The following SWAP70 variants were observed in gnomAD, a reference collection of about 807,000 sequenced individuals.
SWAP70 encodes the protein switch-associated protein 70.
A neutral mutation model predicts 80.2 loss-of-function variants in SWAP70; 34 were observed. The ratio of observed to expected loss-of-function variants is 0.42; its 90% CI spans 0.32 to 0.56. The LOEUF is 0.56. Ranked by LOEUF, SWAP70 falls within the 20% of genes least tolerant of loss-of-function variation. SWAP70 has a pLI of 0.09. For synonymous variants in SWAP70, 239 were observed against 238.5 expected, an observed-to-expected ratio of 1.00 and a Z score of -0.02; for missense variants, 578 against 690.7, an observed-to-expected ratio of 0.84 and a Z score of 1.83.
chr11:9,666,117 G>T (rs1270717369), intron 1 of SWAP70, among the ~76,000 whole-genome samples: 5 of 135,300 alleles, frequency 3.7e-5, no homozygotes, highest in Admixed American at 7.9e-5. Context: ...ACACAGTCTT[G>T]CCCTGTTGCC....
At chr11:9,672,201 A>ATATATATATG (rs1163653240) in intron 1 of SWAP70, among the ~76,000 whole-genome samples, 4 of 123,136 alleles carry the variant, frequency 3.2e-5, no homozygotes, top group Admixed American at 9.2e-5. Context: ...GTGTCTATAT[A>ATATATATATG]TATATATATA....
At chr11:9,722,689 A>G (rs1282476424) in intron 3 of SWAP70, among the ~76,000 whole-genome samples, 1 of 152,230 alleles carries the variant, frequency 6.6e-6, no homozygotes, top group African/African-American at 2.4e-5. Context: ...TATTCTAGAC[A>G]GAGAAGACAG....
chr11:9,749,940 GA>G lies in SWAP70; in HGVS notation c.1730del (p.Asn577ThrfsTer11). On this transcript the variant is annotated frameshift_variant, in exon 12 of 12. Coordinates refer to ENST00000318950, the MANE Select transcript of SWAP70 (RefSeq NM_015055.4). LOFTEE classifies it high-confidence loss of function. Reference sequence around the variant, plus strand: ...AGGCAGAACTTGAAGAGAGAGAGAAGAACTGGAAAGAGAAAAAGACCACGGA... The same window carrying G: ...AGGCAGAACTTGAAGAGAGAGAGAAGACTGGAAAGAGAAAAAGACCACGGA... The part of the protein sequence containing the change: ...TEAELEEREK[N>X]WKEKKTTE 1 of 1,613,758 alleles carries G rather than the reference GA, an allele frequency of 6.2e-7. No homozygotes were observed. Among genetic ancestry groups the G allele is most frequent in the Non-Finnish European group, 8.5e-7 (1 of 1,179,728 alleles).
At chr11:9,704,365 C>G in intron 2 of SWAP70, among the ~76,000 whole-genome samples, 1 of 137,058 alleles carries the variant, frequency 7.3e-6, no homozygotes, top group Non-Finnish European at 1.6e-5. Flanking sequence ...CTGCATCTTC[C>G]CTCTTTTTTT....
At chr11:9,747,540 C>T (rs1353259884) in intron 9 of SWAP70, among the ~76,000 whole-genome samples, 1 of 152,238 alleles carries the variant, frequency 6.6e-6, no homozygotes, top group African/African-American at 2.4e-5. Context: ...TGAGTAGCAG[C>T]ACCTAAATTT....
intron 9 of SWAP70, among the ~76,000 whole-genome samples, chr11:9,745,040 C>G (rs1257327245): frequency 6.6e-6 from 1 of 152,214 alleles, no homozygotes; most frequent in South Asian, 2.1e-4. Context: ...CAACTCGTAC[C>G]TGGCACACAG....
At chr11:9,719,590 T>C (rs1590036730) in intron 3 of SWAP70, among the ~76,000 whole-genome samples, 1 of 152,110 alleles carries the variant, frequency 6.6e-6, no homozygotes, top group Non-Finnish European at 1.5e-5. Flanking sequence ...ACCCAGAAAG[T>C]AGTGTCAAGT....
At chr11:9,666,130 G>C (rs1275969425) in intron 1 of SWAP70, among the ~76,000 whole-genome samples, 2 of 150,252 alleles carry the variant, frequency 1.3e-5, no homozygotes, top group African/African-American at 4.9e-5. Context: ...CTGTTGCCCA[G>C]GCTGGAGTGC....
intron 8 of SWAP70, 65 bp downstream of exon 8, chr11:9,738,385 A>C (rs1371804398): frequency 1.6e-6 from 2 of 1,221,012 alleles, no homozygotes; most frequent in Non-Finnish European, 2.3e-6. Flanking sequence ...GGAACAGGGA[A>C]GGGCTGGAGG....
At chr11:9,666,287 T>C (rs1044507682) in intron 1 of SWAP70, among the ~76,000 whole-genome samples, 11 of 152,134 alleles carry the variant, frequency 7.2e-5, no homozygotes, top group Non-Finnish European at 5.9e-5. Context: ...GGTTTCACCA[T>C]GTTGGCCAGG....
chr11:9,664,230 C>T lies in SWAP70; in HGVS notation c.51C>T (p.Thr17=). The T allele has an allele frequency of 1.3e-6, 2 of 1,595,196 alleles. No individual in the cohort carries two copies. The highest frequency in any genetic ancestry group is 1.1e-5 in the South Asian group (1 of 87,722). ...ELLKAIWHAF[T]ALDQDHSGKV... is the part of the protein sequence containing the mutation. ...TCAAAGCCATCTGGCACGCCTTCAC[C>T]GCACTCGACCAGGACCACAGCGGCA... The change falls in exon 1 of 12, where the codon ACC becomes ACT. Residue 17 remains threonine (T), a synonymous_variant. Coordinates refer to ENST00000318950, the MANE Select transcript of SWAP70 (RefSeq NM_015055.4).
chr11:9,747,170 C>G (rs756450921), intron 9 of SWAP70, among the ~76,000 whole-genome samples: 1 of 152,164 alleles, frequency 6.6e-6, no homozygotes, highest in Non-Finnish European at 1.5e-5. Context: ...TCACACAGAC[C>G]TGGGTTAAAA....
intron 1 of SWAP70, among the ~76,000 whole-genome samples, chr11:9,685,960 A>G (rs1850626546): frequency 6.6e-6 from 1 of 152,196 alleles, no homozygotes; most frequent in Non-Finnish European, 1.5e-5. Context: ...ATACTGACAC[A>G]TTGGAGATTA....
intron 7 of SWAP70, among the ~76,000 whole-genome samples, chr11:9,733,724 C>T (rs1370516398): frequency 2.2e-4 from 34 of 152,262 alleles, no homozygotes; most frequent in Non-Finnish European, 7.4e-5. Context: ...TTAAAGGTTA[C>T]GCTGAGCACC....
chr11:9,664,163 G>T lies in SWAP70; in HGVS notation c.-17G>T. ...TGGCTGGGCAGGAGGGGTTGGCGGGGCAGCAGGGCCGCGGCCATGGGGAGC... is the reference window on the plus strand; with the variant it reads ...TGGCTGGGCAGGAGGGGTTGGCGGGTCAGCAGGGCCGCGGCCATGGGGAGC... On this transcript the variant is annotated 5_prime_UTR_variant, in exon 1 of 12. Coordinates refer to ENST00000318950, the MANE Select transcript of SWAP70 (RefSeq NM_015055.4). The T allele has an allele frequency of 6.4e-7, 1 of 1,557,344 alleles. No homozygotes were observed. Among genetic ancestry groups the T allele is most frequent in the Non-Finnish European group, 8.7e-7 (1 of 1,153,916 alleles).
Position 9,713,478 on chromosome 11 carries a change from T to C in SWAP70, c.253T>C (p.Phe85Leu), listed in dbSNP as rs1382440024. ...RFILEKVQDN[F>L]DKIEFNRMCW... ...TATTCCTTTTTAGGTCCAAGACAACTTTGACAAGATTGAATTCAATAGGAT... is the reference window on the plus strand; with the variant it reads ...TATTCCTTTTTAGGTCCAAGACAACCTTGACAAGATTGAATTCAATAGGAT... Residue 85 changes from phenylalanine to leucine, a missense_variant, in exon 3 of 12, where the codon TTT becomes CTT. Phe to Leu is a conservative substitution (Grantham distance 22, BLOSUM62 0). Coordinates refer to ENST00000318950, the MANE Select transcript of SWAP70 (RefSeq NM_015055.4). The C allele has an allele frequency of 6.2e-7, 1 of 1,611,786 alleles. No individual in the cohort carries two copies. The highest frequency in any genetic ancestry group is 8.5e-7 in the Non-Finnish European group (1 of 1,179,298).
chr11:9,749,985 A>G lies in SWAP70; in HGVS notation c.*15A>G, dbSNP rs755963738. 4.5e-6 allele frequency: 7 copies of G among 1,543,896 alleles called. No individual in the cohort carries two copies. In the Admixed American group the frequency reaches 1.2e-4, roughly 26 times the overall value. On this transcript the variant is annotated 3_prime_UTR_variant, in exon 12 of 12. Coordinates refer to ENST00000318950, the MANE Select transcript of SWAP70 (RefSeq NM_015055.4). The stretch of plus-strand genomic sequence containing the variant: ...CCACGGAGTGACTGAGCTTGCTGGC[A>G]GTCACGTCAGTTATGTAGATACTGC...
rs149037330 is a variant in SWAP70, at chr11:9,719,290, G to A, written c.415-5368G>A. Among the ~76,000 whole-genome samples the A allele has an allele frequency of 7.6e-3, 1,153 of 151,922 alleles. 6 individuals are homozygous for A. Among genetic ancestry groups the A allele is most frequent in the South Asian group, 0.011 (55 of 4,810 alleles). Reference sequence around the variant, plus strand: ...GCAGGGGTGCTGAAGTGGGAGAATCGCTTTAGCCTGGGAGGTCAAGGCTGC... The same window carrying A: ...GCAGGGGTGCTGAAGTGGGAGAATCACTTTAGCCTGGGAGGTCAAGGCTGC... On this transcript the variant is annotated intron_variant, in intron 3 of 11. Coordinates refer to ENST00000318950, the MANE Select transcript of SWAP70 (RefSeq NM_015055.4).
At position 9,708,797 on chromosome 11, in the gene SWAP70, G is replaced by A. The variant is rs1255411809; in HGVS notation, c.241-4669G>A. On this transcript the variant is annotated intron_variant, in intron 2 of 11. Coordinates refer to ENST00000318950, the MANE Select transcript of SWAP70 (RefSeq NM_015055.4). ...GGTGTGGATAGAGTTGGTGGTGGTGGCCTTGGAAATGTTCTGCATAGATGG... is the reference window on the plus strand; with the variant it reads ...GGTGTGGATAGAGTTGGTGGTGGTGACCTTGGAAATGTTCTGCATAGATGG... Among the ~76,000 whole-genome samples the A allele has an allele frequency of 3.9e-5, 6 of 152,050 alleles. No individual in the cohort carries two copies. In the East Asian group the frequency reaches 1.2e-3, roughly 29 times the overall value.
Sources: allele counts gnomAD v4.1 joint callset (sites outside exome capture counted in the v4.1 genomes callset), GRCh38; gene constraint gnomAD v4.1.1; transcripts MANE v1.5; gene names NCBI Gene and HGNC (gene_info 2026-07-23, HGNC 2026-07-21).